Variants in AJUBA observed in about 807,000 individuals in gnomAD.
The protein encoded by AJUBA is LIM domain-containing protein ajuba.
A neutral mutation model predicts 53.3 loss-of-function variants in AJUBA; 20 were observed. The observed-to-expected ratio is 0.38, with a 90% CI of 0.26 to 0.55. AJUBA has a LOEUF of 0.55. Ranked by LOEUF, AJUBA falls within the 20% of genes least tolerant of loss-of-function variation. The probability of loss-of-function intolerance (pLI) is 0.80; values close to 1 mark genes in which losing one functional copy is unlikely to be tolerated. For missense variants in AJUBA, 580 were observed against 730.5 expected (o/e 0.79, Z 2.38); for synonymous variants, 296 against 306.2 (o/e 0.97, Z 0.35).
chr14:22,978,427 T>A lies in AJUBA; in HGVS notation c.1025A>T (p.Asn342Ile). 1.2e-6 allele frequency: 2 copies of A among 1,613,134 alleles called. No homozygotes were observed. Among genetic ancestry groups the A allele is most frequent in the Non-Finnish European group, 1.7e-6 (2 of 1,179,168 alleles). ...ATTGCTCTGCCCATAGATGCCTTTGTTGCACTTGATACAGGTGCCTGAGAA... is the reference window on the plus strand; with the variant it reads ...ATTGCTCTGCCCATAGATGCCTTTGATGCACTTGATACAGGTGCCTGAGAA... The part of the protein sequence containing the change: ...EDYFGTCIKC[N>I]KGIYGQSNAC... The change falls in exon 2 of 8, where the codon AAC (asparagine) becomes ATC (isoleucine). Residue 342 changes from asparagine to isoleucine, a missense_variant. Around this residue, in one of 2 missense-constraint regions of AJUBA, gnomAD observed 150 missense variants for 259.0 expected, o/e 0.58. Coordinates refer to ENST00000262713, the MANE Select transcript of AJUBA (RefSeq NM_032876.6).
In AJUBA at chr14:22,973,061, G is replaced by C. The variant is rs2044999250; in HGVS notation, c.*382C>G. 4.4e-6 allele frequency: 1 copy of C among 229,578 alleles called. No individual in the cohort carries two copies. The highest frequency in any genetic ancestry group is 2.3e-5 in the African/African-American group (1 of 44,084). 14.2% of individuals were successfully genotyped at this position (229,578 alleles called of 1,614,324 possible). ...TAATCCCAGCACTTTGGGAGGCCAA[G>C]GTGGGAGGATCATTCGAGCCCAGGA... On this transcript the variant is annotated 3_prime_UTR_variant, in exon 8 of 8. Transcript: ENST00000262713.
At position 22,979,726 on chromosome 14, in the gene AJUBA, C is replaced by T. The variant is rs1316999142; in HGVS notation, c.1007-1281G>A. ...CCTTGGACGTTATGGGAAAAGCAAACGAAACTGCTCAGGCACGTTGGCCTC... is the reference window on the plus strand; with the variant it reads ...CCTTGGACGTTATGGGAAAAGCAAATGAAACTGCTCAGGCACGTTGGCCTC... On this transcript the variant is annotated intron_variant, in intron 1 of 7. Coordinates refer to ENST00000262713, the MANE Select transcript of AJUBA (RefSeq NM_032876.6). The surrounding 1 kb of genome is among the most constrained non-coding windows in gnomAD (Gnocchi z 4.0). 3.9e-5 allele frequency among the ~76,000 whole-genome samples: 6 copies of T among 152,206 alleles called. No individual in the cohort carries two copies. Among genetic ancestry groups the T allele is most frequent in the Admixed American group, 3.3e-4 (5 of 15,288 alleles).
chr14:22,974,012 C>A (rs776153584), intron 7 of AJUBA, 35 bp downstream of exon 7: 1 of 1,613,622 alleles, frequency 6.2e-7, no homozygotes, highest in Admixed American at 1.7e-5. Flanking sequence ...CCCATTTCCA[C>A]TTCTTCTCCA....
intron 1 of AJUBA, 83 bp downstream of exon 1, chr14:22,981,178 C>A: frequency 6.7e-7 from 1 of 1,489,400 alleles, no homozygotes; most frequent in East Asian, 2.3e-5. Context: ...CCCCGGGGCA[C>A]CGGCACTTTG....
At position 22,981,253 on chromosome 14, in the gene AJUBA, T is replaced by C. The variant is rs764596918; in HGVS notation, c.1006+8A>G. The stretch of plus-strand genomic sequence containing the variant: ...CCCTTCCCGTCCCTAACCACTTCTC[T>C]CACTCACCGAAGTAGTCCTCCCTGG... On this transcript the variant is annotated splice_region_variant and intron_variant, in intron 1 of 7. Transcript: ENST00000262713. 3.8e-6 allele frequency: 6 copies of C among 1,593,138 alleles called. No individual in the cohort carries two copies. The highest frequency in any genetic ancestry group is 2.2e-5 in the East Asian group (1 of 44,452).
At chr14:22,977,718 A>C (rs79034747) in intron 2 of AJUBA, 1 of 152,080 alleles carries the variant, frequency 6.6e-6, no homozygotes, top group African/African-American at 2.4e-5. Flanking sequence ...TTAGCAAAGG[A>C]ATCAGAATGG....
chr14:22,976,022 G>C (rs575391003), intron 4 of AJUBA, among the ~76,000 whole-genome samples: 1 of 152,058 alleles, frequency 6.6e-6, no homozygotes, highest in South Asian at 2.1e-4. Context: ...AATTAGCCAG[G>C]CATGGTGGCG....
In AJUBA at chr14:22,979,265, T is replaced by C; in HGVS notation, c.1007-820A>G. On this transcript the variant is annotated intron_variant, in intron 1 of 7. Coordinates refer to ENST00000262713, the MANE Select transcript of AJUBA (RefSeq NM_032876.6). The surrounding 1 kb of genome is among the most constrained non-coding windows in gnomAD (Gnocchi z 4.0). ...GTTCTTCCCTCCCTCCACTCCCCAA[T>C]TCCAGGCCCATGAGTGAGGGCTAGG... The C allele has an allele frequency of 2.0e-6, 1 of 512,436 alleles. No homozygotes were observed. 31.7% of individuals were successfully genotyped at this position (512,436 alleles called of 1,614,324 possible). A position where few individuals can be genotyped will look rare whatever the true frequency, so the allele number is the denominator to read the frequency against.
Position 22,978,338 on chromosome 14 carries a change from A to G in AJUBA, c.1108+6T>C. On this transcript the variant is annotated splice_donor_region_variant and intron_variant, in intron 2 of 7. Coordinates refer to ENST00000262713, the MANE Select transcript of AJUBA (RefSeq NM_032876.6). ...GGGAGTGCTTGAGTATTGGGGCTAC[A>G]CTCACCACAAGAGCAGCAAACAAAG... 2 of 1,612,414 alleles carry G rather than the reference A, an allele frequency of 1.2e-6. No homozygotes were observed. Among genetic ancestry groups the G allele is most frequent in the Non-Finnish European group, 1.7e-6 (2 of 1,178,742 alleles).
At chr14:22,974,011 ACTT>A in intron 7 of AJUBA, 33 bp downstream of exon 7, 1 of 1,613,034 alleles carries the variant, frequency 6.2e-7, no homozygotes, top group Non-Finnish European at 8.5e-7. Context: ...CCCCATTTCC[ACTT>A]CTTCTCCAGC....
chr14:22,981,380 C>G lies in AJUBA; in HGVS notation c.887G>C (p.Gly296Ala). The G allele has an allele frequency of 6.2e-7, 1 of 1,613,096 alleles. No homozygotes were observed. ...AATCCCCGAGGGTTCTCCGCGGGCT[C>G]CGGCTTCTCGCCCACCGGTGCCCAC... is the stretch of plus-strand genomic sequence containing the variant. ...LTVGTGGREA[G>A]ARGEPSGIEP... The change falls in exon 1 of 8, where the codon GGA becomes GCA. Residue 296 changes from glycine to alanine, a missense_variant. Coordinates refer to ENST00000262713, the MANE Select transcript of AJUBA (RefSeq NM_032876.6).
At chr14:22,978,834 G>C in intron 1 of AJUBA, 3 of 1,244,594 alleles carry the variant, frequency 2.4e-6, no homozygotes, top group Non-Finnish European at 3.1e-6. Context: ...CCAGTCCACA[G>C]GTGCTCAGCA....
intron 4 of AJUBA, 167 bp from the exon 5 acceptor site, chr14:22,975,271 T>G (rs901125945): frequency 6.1e-5 from 56 of 922,044 alleles, no homozygotes; most frequent in Non-Finnish European, 7.7e-5. Context: ...GCGGAGACCC[T>G]GAAAAGTGCC....
At chr14:22,981,201 A>C (rs905077627) in intron 1 of AJUBA, 60 bp downstream of exon 1, 4 of 1,513,860 alleles carry the variant, frequency 2.6e-6, no homozygotes, top group Non-Finnish European at 3.5e-6. Context: ...CCGTCGGGGC[A>C]GTGGAGAACC....
Position 22,973,487 on chromosome 14 carries a change from T to C in AJUBA, c.1573A>G (p.Met525Val). The C allele has an allele frequency of 1.2e-6, 2 of 1,614,060 alleles. No homozygotes were observed. Among genetic ancestry groups the C allele is most frequent in the South Asian group, 1.1e-5 (1 of 91,044 alleles). The change falls in exon 8 of 8, where the codon ATG becomes GTG. Residue 525 changes from methionine to valine, a missense_variant. Physicochemically the swap from Met to Val is conservative, Grantham distance 21. Around this residue, in one of 2 missense-constraint regions of AJUBA, gnomAD observed 150 missense variants for 259.0 expected, o/e 0.58. Transcript: ENST00000262713. The stretch of plus-strand genomic sequence containing the variant: ...GGTTGTCGGGCATTGAGCCGCTGCA[T>C]GTGGCAACCATGGCAGAGCAAGTGC... The part of the protein sequence containing the change: ...DGHLLCHGCH[M>V]QRLNARQPPA...
In AJUBA at chr14:22,973,351, C is replaced by A. The variant is rs1405714121; in HGVS notation, c.*92G>T. On this transcript the variant is annotated 3_prime_UTR_variant, in exon 8 of 8. Coordinates refer to ENST00000262713, the MANE Select transcript of AJUBA (RefSeq NM_032876.6). Reference sequence around the variant, plus strand: ...CCAGAGGACTCTTCTGCCAGGCCTGCAGAGTGCATTCTTTGCCTTGGCTGG... The same window carrying A: ...CCAGAGGACTCTTCTGCCAGGCCTGAAGAGTGCATTCTTTGCCTTGGCTGG... The A allele has an allele frequency of 2.6e-6, 4 of 1,526,180 alleles. No individual in the cohort carries two copies. Among genetic ancestry groups the A allele is most frequent in the Non-Finnish European group, 3.5e-6 (4 of 1,129,770 alleles). 94.5% of individuals were successfully genotyped at this position (1,526,180 alleles called of 1,614,324 possible).
chr14:22,978,633 A>G, intron 1 of AJUBA, 188 bp from the exon 2 acceptor site: 2 of 1,378,696 alleles, frequency 1.5e-6, no homozygotes, highest in Non-Finnish European at 1.9e-6. Context: ...ATTCTTGTTT[A>G]TTTAATTACT....
rs763548846 is a variant in AJUBA, at chr14:22,973,272, C to A, written c.*171G>T. On this transcript the variant is annotated 3_prime_UTR_variant, in exon 8 of 8. Coordinates refer to ENST00000262713, the MANE Select transcript of AJUBA (RefSeq NM_032876.6). ...CCTGGTAAATATAAGGTTTCTCTTCCACAATCCATTTGGAATATCATGATC... is the reference window on the plus strand; with the variant it reads ...CCTGGTAAATATAAGGTTTCTCTTCAACAATCCATTTGGAATATCATGATC... The A allele has an allele frequency of 3.0e-4, 317 of 1,044,568 alleles. No homozygotes were observed. Among genetic ancestry groups the A allele is most frequent in the Middle Eastern group, 3.2e-4 (1 of 3,170 alleles). The allele number at this position is 1,044,568 out of a possible 1,614,324, so 64.7% of individuals were successfully genotyped here. A position where few individuals can be genotyped will look rare whatever the true frequency, so the allele number is the denominator to read the frequency against.
chr14:22,978,287 T>C (rs2045057183), intron 2 of AJUBA, 57 bp downstream of exon 2: 4 of 1,502,328 alleles, frequency 2.7e-6, no homozygotes, highest in Non-Finnish European at 3.7e-6. Context: ...CCATAGCACT[T>C]GTAAGTGTGT....
Sources: allele counts gnomAD v4.1 joint callset (sites outside exome capture counted in the v4.1 genomes callset), GRCh38; gene constraint gnomAD v4.1.1; regional missense constraint gnomAD v4.1.1; non-coding constraint Gnocchi (gnomAD v3.1); transcripts MANE v1.5; gene names NCBI Gene and HGNC (gene_info 2026-07-23, HGNC 2026-07-21).